ZBTB43: variants seen among roughly 807,000 people sequenced by gnomAD.
ZBTB43 encodes zinc finger and BTB domain-containing protein 43.
In ZBTB43, 6 loss-of-function variants were observed where a neutral mutation model predicts 31.1. The ratio of observed to expected loss-of-function variants is 0.19; its 90% CI spans 0.11 to 0.38. ZBTB43 has a LOEUF of 0.38. ZBTB43 is among the 10% of genes least tolerant of loss of function. The probability of loss-of-function intolerance (pLI) is 1.00; values close to 1 mark genes in which losing one functional copy is unlikely to be tolerated. For synonymous variants in ZBTB43, 212 were observed against 221.7 expected (o/e 0.96, Z 0.39); for missense variants, 379 against 602.1 (o/e 0.63, Z 3.88).
At chr9:126,815,357 A>ACT (rs1564201147) in intron 2 of ZBTB43, among the ~76,000 whole-genome samples, 1 of 142,674 alleles carries the variant, frequency 7.0e-6, no homozygotes, top group African/African-American at 2.5e-5. Context: ...AATATATAAA[A>ACT]ATATATATAT....
chr9:126,819,173 C>T lies in ZBTB43; in HGVS notation c.-24+10258C>T, dbSNP rs564993381. 7.3e-5 allele frequency among the ~76,000 whole-genome samples: 11 copies of T among 151,692 alleles called. No individual in the cohort carries two copies. The East Asian group carries it at 1.9e-3, about 27-fold the overall frequency. On this transcript the variant is annotated intron_variant, in intron 2 of 2. Coordinates refer to ENST00000373464, the MANE Select transcript of ZBTB43 (RefSeq NM_014007.4). ...CAGTCTTGTTAAGTGTATTAAGACT[C>T]GTTTATGGTCTAACACATGATCTAT... is the stretch of plus-strand genomic sequence containing the variant.
intron 2 of ZBTB43, among the ~76,000 whole-genome samples, chr9:126,821,626 T>C (rs2032510347): frequency 6.6e-6 from 1 of 152,204 alleles, no homozygotes; most frequent in South Asian, 2.1e-4. Flanking sequence ...GACTGAATTA[T>C]TGCAAAGGCA....
At chr9:126,810,134 C>T (rs1488987588) in intron 2 of ZBTB43, among the ~76,000 whole-genome samples, 2 of 151,928 alleles carry the variant, frequency 1.3e-5, no homozygotes, top group Admixed American at 6.6e-5. Context: ...CGCGCCCGGC[C>T]CACTAACTGC....
Position 126,835,807 on chromosome 9 carries a change from C to T in ZBTB43, c.*1894C>T, listed in dbSNP as rs1273087828. On this transcript the variant is annotated 3_prime_UTR_variant, in exon 3 of 3. Coordinates refer to ENST00000373464, the MANE Select transcript of ZBTB43 (RefSeq NM_014007.4). The stretch of plus-strand genomic sequence containing the variant: ...TTAATAGCTTCTCTTAGTATTGAAA[C>T]GTTACTGGTTAGCAGTCTTTTCTCT... The T allele has an allele frequency of 6.0e-6, 1 of 166,350 alleles. No individual in the cohort carries two copies. The highest frequency in any genetic ancestry group is 1.9e-4 in the East Asian group (1 of 5,206). The allele number at this position is 166,350 out of a possible 1,614,324, so 10.3% of individuals were successfully genotyped here. A position where few individuals can be genotyped will look rare whatever the true frequency, so the allele number is the denominator to read the frequency against.
intron 2 of ZBTB43, among the ~76,000 whole-genome samples, chr9:126,820,585 A>G (rs1401132326): frequency 1.3e-5 from 2 of 152,218 alleles, no homozygotes; most frequent in Non-Finnish European, 2.9e-5. Flanking sequence ...CAAGGACATT[A>G]GTATTGTTTT....
In ZBTB43 at chr9:126,838,159, T is replaced by C. The variant is rs931029301; in HGVS notation, c.*4246T>C. 4 of 165,308 alleles carry C rather than the reference T, an allele frequency of 2.4e-5. No individual in the cohort carries two copies. The highest frequency in any genetic ancestry group is 2.9e-5 in the Non-Finnish European group (2 of 68,136). The allele number at this position is 165,308 out of a possible 1,614,324, so 10.2% of individuals were successfully genotyped here. A position where few individuals can be genotyped will look rare whatever the true frequency, so the allele number is the denominator to read the frequency against. ...TATTTTCTTCTTATAGAAGAGATCA[T>C]GCCCTTTTGTATGACATGTTTTAAT... On this transcript the variant is annotated 3_prime_UTR_variant, in exon 3 of 3. Coordinates refer to ENST00000373464, the MANE Select transcript of ZBTB43 (RefSeq NM_014007.4).
rs770015226 is a variant in ZBTB43 at position 126,832,617 on chromosome 9, C to T, written c.108C>T (p.Ser36=). 6.2e-7 allele frequency: 1 copy of T among 1,614,152 alleles called. No homozygotes were observed. The highest frequency in any genetic ancestry group is 1.1e-5 in the South Asian group (1 of 91,080). The change falls in exon 3 of 3, where the codon TCC becomes TCT. Residue 36 remains serine, a synonymous_variant. Transcript: ENST00000373464. ...AGCAAGGACAATTATGTGACGTCTC[C>T]ATTGTTGTCCAAGGCCACATTTTCC... ...QRQQGQLCDV[S]IVVQGHIFRA... is the part of the protein sequence containing the mutation.
Position 126,836,287 on chromosome 9 carries a change from GACTTATTT to G in ZBTB43, c.*2376_*2383del, listed in dbSNP as rs1371484591. On this transcript the variant is annotated 3_prime_UTR_variant, in exon 3 of 3. Coordinates refer to ENST00000373464, the MANE Select transcript of ZBTB43 (RefSeq NM_014007.4). Reference sequence around the variant, plus strand: ...TTTTGGAAGCAGTCAGTTGTGCTAGGACTTATTTAATATGTTGTGAAGAGAAGAGTGTC... The same window carrying G: ...TTTTGGAAGCAGTCAGTTGTGCTAGGAATATGTTGTGAAGAGAAGAGTGTC... The G allele has an allele frequency of 1.8e-5, 3 of 167,100 alleles. No individual in the cohort carries two copies. Among genetic ancestry groups the G allele is most frequent in the African/African-American group, 7.2e-5 (3 of 41,464 alleles). 10.4% of individuals were successfully genotyped at this position (167,100 alleles called of 1,614,324 possible).
At position 126,836,204 on chromosome 9, in the gene ZBTB43, C is replaced by G. The variant is rs980251481; in HGVS notation, c.*2291C>G. 3 of 167,054 alleles carry G rather than the reference C, an allele frequency of 1.8e-5. No individual in the cohort carries two copies. The highest frequency in any genetic ancestry group is 7.2e-5 in the African/African-American group (3 of 41,442). 10.3% of individuals were successfully genotyped at this position (167,054 alleles called of 1,614,324 possible). ...AGTTCTGCTGAAATCAGCATAGTGC[C>G]CTTGTCATGAGGAAGAGTTTCTGTT... On this transcript the variant is annotated 3_prime_UTR_variant, in exon 3 of 3. Transcript: ENST00000373464.
intron 2 of ZBTB43, among the ~76,000 whole-genome samples, chr9:126,830,617 C>T (rs2032744500): frequency 6.6e-6 from 1 of 152,264 alleles, no homozygotes; most frequent in East Asian, 1.9e-4. Context: ...CACTGTACTC[C>T]AGCCTGGGTG....
intron 2 of ZBTB43, chr9:126,831,754 CA>C (rs1396562109): frequency 6.6e-6 from 1 of 151,682 alleles, no homozygotes. Context: ...AGTTCGAGAC[CA>C]GCCTGGCCAA....
At position 126,838,012 on chromosome 9, in the gene ZBTB43, A is replaced by G. The variant is rs1588373808; in HGVS notation, c.*4099A>G. On this transcript the variant is annotated 3_prime_UTR_variant, in exon 3 of 3. Transcript: ENST00000373464. ...TGATAAACAGATTATCATTAGGTGC[A>G]TATCTTATTGATATTTTGTGAAATG... is the stretch of plus-strand genomic sequence containing the variant. 1 of 167,154 alleles carries G rather than the reference A, an allele frequency of 6.0e-6. No individual in the cohort carries two copies. The highest frequency in any genetic ancestry group is 1.9e-4 in the East Asian group (1 of 5,186). 10.4% of individuals were successfully genotyped at this position (167,154 alleles called of 1,614,324 possible).
At chr9:126,829,904 A>G (rs543646210) in intron 2 of ZBTB43, among the ~76,000 whole-genome samples, 1 of 152,322 alleles carries the variant, frequency 6.6e-6, no homozygotes, top group African/African-American at 2.4e-5. Flanking sequence ...GAATACCTAA[A>G]TCATTTATTT....
chr9:126,833,400 A>G lies in ZBTB43; in HGVS notation c.891A>G (p.Lys297=), dbSNP rs767857251. 8 of 1,613,966 alleles carry G rather than the reference A, an allele frequency of 5.0e-6. No individual in the cohort carries two copies. Among genetic ancestry groups the G allele is most frequent in the East Asian group, 2.2e-5 (1 of 44,886 alleles). ...VEEDFHIGEK[K]VEAEFDEQAD... ...AGGACTTCCACATCGGGGAGAAGAAAGTGGAAGCTGAGTTTGATGAACAGG... is the reference window on the plus strand; with the variant it reads ...AGGACTTCCACATCGGGGAGAAGAAGGTGGAAGCTGAGTTTGATGAACAGG... The change falls in exon 3 of 3, where the codon AAA becomes AAG. Residue 297 remains lysine, a synonymous_variant. Coordinates refer to ENST00000373464, the MANE Select transcript of ZBTB43 (RefSeq NM_014007.4). The surrounding 1 kb of genome is among the most constrained non-coding windows in gnomAD (Gnocchi z 7.9).
intron 2 of ZBTB43, among the ~76,000 whole-genome samples, chr9:126,825,842 ATT>A (rs72512629): frequency 0.027 from 2,495 of 91,206 alleles, 25 homozygotes; most frequent in Middle Eastern, 0.087. Flanking sequence ...TCCTTTTTAT[ATT>A]TTTTTTTTTT....
chr9:126,830,072 A>G (rs1162459410), intron 2 of ZBTB43, among the ~76,000 whole-genome samples: 2 of 152,202 alleles, frequency 1.3e-5, no homozygotes, highest in Non-Finnish European at 2.9e-5. Context: ...GATAAGAAAA[A>G]TCACATAGAC....
At chr9:126,816,135 T>G (rs184083625) in intron 2 of ZBTB43, among the ~76,000 whole-genome samples, 54 of 152,242 alleles carry the variant, frequency 3.5e-4, no homozygotes, top group African/African-American at 1.3e-3. Context: ...TTATTTCACG[T>G]TCTCTGGTTC....
chr9:126,814,736 T>C (rs2032336806), intron 2 of ZBTB43, among the ~76,000 whole-genome samples: 2 of 151,986 alleles, frequency 1.3e-5, no homozygotes, highest in Admixed American at 6.6e-5. Context: ...GAGCTTGTAG[T>C]GAGCTGAGAT....
intron 2 of ZBTB43, among the ~76,000 whole-genome samples, chr9:126,812,896 C>T (rs2119116679): frequency 6.6e-6 from 1 of 151,814 alleles, no homozygotes; most frequent in East Asian, 1.9e-4. Context: ...TCATTTGTAC[C>T]TTGTACTACT....
Sources: gnomAD v4.1 joint callset for allele counts (sites outside exome capture counted in the v4.1 genomes callset) on GRCh38, gnomAD v4.1.1 for gene constraint, Gnocchi (gnomAD v3.1) non-coding constraint, MANE v1.5 for transcripts, NCBI Gene and HGNC (gene_info 2026-07-23, HGNC 2026-07-21) for gene names.